The following PARL variants were observed in gnomAD, a reference collection of about 807,000 sequenced individuals.
The protein encoded by PARL is presenilin associated rhomboid like, also known as presenilin-associated rhomboid-like protein, mitochondrial.
PARL carries 44 observed loss-of-function variants against 51.6 expected under a neutral mutation model. That is an observed-to-expected ratio of 0.85 (90% CI 0.67 to 1.10). The LOEUF (loss-of-function observed/expected upper bound fraction) is 1.10, where lower values mean the gene tolerates loss of function less well. Among genes scored for constraint, PARL ranks in the 50% least tolerant of loss-of-function variants. The pLI is 0.00. For missense variants in PARL, 441 were observed against 469.5 expected (o/e 0.94, Z 0.56); for synonymous variants, 172 against 164.0 (o/e 1.05, Z -0.37).
intron 9 of PARL, 35 bp from the exon 10 acceptor site, chr3:183,829,744 A>G: frequency 6.6e-7 from 1 of 1,523,492 alleles, no homozygotes; most frequent in Non-Finnish European, 9.1e-7. Context: ...ACATTCAAAC[A>G]GTGTGACATA....
chr3:183,867,814 A>T, intron 2 of PARL, 51 bp downstream of exon 2: 1 of 1,350,146 alleles, frequency 7.4e-7, no homozygotes, highest in African/African-American at 1.4e-5. Context: ...AAAGTACTTT[A>T]ACACTGCATT....
At chr3:183,855,837 G>A (rs1374206501) in intron 4 of PARL, among the ~76,000 whole-genome samples, 1 of 152,110 alleles carries the variant, frequency 6.6e-6, no homozygotes, top group Non-Finnish European at 1.5e-5. Context: ...ACAGGTGCCT[G>A]TAATCCCAGC....
At position 183,869,454 on chromosome 3, in the gene PARL, C is replaced by T. The variant is rs531059812; in HGVS notation, c.126-1394G>A. Among the ~76,000 whole-genome samples the T allele has an allele frequency of 2.6e-5, 4 of 152,004 alleles. No homozygotes were observed. The South Asian group carries it at 6.2e-4, about 24-fold the overall frequency. On this transcript the variant is annotated intron_variant, in intron 1 of 9. Coordinates refer to ENST00000317096, the MANE Select transcript of PARL (RefSeq NM_018622.7). ...AACTCCTGACCTCAGGTGATCCACC[C>T]GCATTGGCCTCCCAAAGTGCTAGGA...
intron 5 of PARL, 83 bp from the exon 6 acceptor site, chr3:183,842,530 C>G: frequency 1.5e-6 from 2 of 1,353,952 alleles, no homozygotes; most frequent in Non-Finnish European, 2.1e-6. Flanking sequence ...TAAAATTAGG[C>G]CGGACGCAGT....
Position 183,862,810 on chromosome 3 carries a change from G to A in PARL, c.463-9C>T. On this transcript the variant is annotated splice_polypyrimidine_tract_variant and intron_variant, in intron 3 of 9. Transcript: ENST00000317096. ...TTCCACCACTTGTTAATCTAAAACA[G>A]ACAGAAAATTGCATCACCACATGTG... 1.2e-6 allele frequency: 2 copies of A among 1,611,112 alleles called. No individual in the cohort carries two copies. The highest frequency in any genetic ancestry group is 1.7e-6 in the Non-Finnish European group (2 of 1,177,292).
intron 3 of PARL, among the ~76,000 whole-genome samples, chr3:183,865,023 G>C (rs183701487): frequency 6.4e-4 from 97 of 151,550 alleles, no homozygotes; most frequent in Non-Finnish European, 1.2e-3. Flanking sequence ...ACTCCTCTTG[G>C]GGCCAGGCAC....
At chr3:183,838,591 C>G (rs757948745) in intron 7 of PARL, among the ~76,000 whole-genome samples, 22 of 152,108 alleles carry the variant, frequency 1.4e-4, no homozygotes, top group African/African-American at 5.3e-4. Context: ...TCTTATTGTG[C>G]TAAGCACTCT....
downstream of PARL, among the ~76,000 whole-genome samples, chr3:183,827,564 C>A (rs983369118): frequency 2.6e-5 from 4 of 152,160 alleles, no homozygotes; most frequent in African/African-American, 9.7e-5. Context: ...GAAGAACAGG[C>A]TCAACAGTCC....
At chr3:183,830,492 A>C (rs555594965) in intron 9 of PARL, among the ~76,000 whole-genome samples, 4 of 152,308 alleles carry the variant, frequency 2.6e-5, no homozygotes, top group Admixed American at 2.6e-4. Context: ...TCCTGAGGGC[A>C]CTGGGGGTAG....
At chr3:183,876,630 AAAAAAAAAGAAAAAG>A (rs1391779249) in intron 1 of PARL, among the ~76,000 whole-genome samples, 3 of 122,336 alleles carry the variant, frequency 2.5e-5, no homozygotes, top group African/African-American at 9.8e-5. Flanking sequence ...AAAAAAAAAA[AAAAAAAAAGAAAAAG>A]AAAAAGAAAG....
chr3:183,828,806 T>C (rs997840164), downstream of PARL, among the ~76,000 whole-genome samples: 11 of 152,102 alleles, frequency 7.2e-5, no homozygotes, highest in African/African-American at 2.7e-4. Context: ...GACTAAAAAT[T>C]CTCCTGTAAA....
At chr3:183,884,141 C>G (rs537606683) in intron 1 of PARL, among the ~76,000 whole-genome samples, 1 of 152,318 alleles carries the variant, frequency 6.6e-6, no homozygotes, top group South Asian at 2.1e-4. Flanking sequence ...CAATACTGAT[C>G]AACCATACGC....
chr3:183,842,716 G>C (rs1213230765), intron 5 of PARL, among the ~76,000 whole-genome samples: 5 of 144,430 alleles, frequency 3.5e-5, no homozygotes. Flanking sequence ...GCTGAGGCGG[G>C]AGAATCACTT....
At chr3:183,857,796 AATTTGCTGCAATTTGTGCTGTGAATC>A (rs1428492411) in intron 4 of PARL, among the ~76,000 whole-genome samples, 1 of 152,202 alleles carries the variant, frequency 6.6e-6, no homozygotes, top group Admixed American at 6.5e-5. Context: ...ACTTTGGAAC[AATTTGCTGCAATTTGTGCTGTGAATC>A]AGCACCCAGA....
intron 1 of PARL, among the ~76,000 whole-genome samples, chr3:183,881,138 T>C (rs1365392323): frequency 2.8e-5 from 3 of 106,626 alleles, no homozygotes; most frequent in Non-Finnish European, 5.5e-5. Context: ...TTTTTTTTTT[T>C]CAGATGAAGT....
At chr3:183,859,017 T>G (rs572696180) in intron 4 of PARL, among the ~76,000 whole-genome samples, 10 of 152,068 alleles carry the variant, frequency 6.6e-5, no homozygotes, top group African/African-American at 2.4e-4. Flanking sequence ...AGTCAAAAAC[T>G]ACAGACTCGC....
chr3:183,876,273 C>T (rs1733789556), intron 1 of PARL, among the ~76,000 whole-genome samples: 1 of 152,116 alleles, frequency 6.6e-6, no homozygotes. Context: ...TCTTGAACTC[C>T]TGATCTCAGG....
At chr3:183,871,129 T>C (rs1016358406) in intron 1 of PARL, among the ~76,000 whole-genome samples, 2 of 152,102 alleles carry the variant, frequency 1.3e-5, no homozygotes, top group Admixed American at 6.6e-5. Context: ...GATCAAAAAA[T>C]GATTAAGCTT....
intron 4 of PARL, among the ~76,000 whole-genome samples, chr3:183,848,735 T>G (rs565292475): frequency 1.3e-5 from 2 of 152,192 alleles, no homozygotes; most frequent in Non-Finnish European, 2.9e-5. Context: ...CAGAGGGCAT[T>G]TGTCAAAAAC....
Sources: allele counts gnomAD v4.1 joint callset (sites outside exome capture counted in the v4.1 genomes callset), GRCh38; gene constraint gnomAD v4.1.1; transcripts MANE v1.5; gene names NCBI Gene and HGNC (gene_info 2026-07-23, HGNC 2026-07-21).